The following GGA1 variants were observed in gnomAD, a reference collection of about 807,000 sequenced individuals.
The protein encoded by GGA1 is ADP-ribosylation factor-binding protein GGA1.
In GGA1, 18 loss-of-function variants were observed where a neutral mutation model predicts 76.9. The ratio of observed to expected loss-of-function variants is 0.23; its 90% confidence interval spans 0.16 to 0.35. GGA1 has a LOEUF of 0.35. GGA1 is among the 10% of genes least tolerant of loss of function. GGA1 has a pLI of 1.00. For synonymous variants in GGA1, 342 were observed against 354.7 expected (o/e 0.96, Z 0.40); for missense variants, 755 against 859.0 (o/e 0.88, Z 1.51).
At position 37,630,886 on chromosome 22, in the gene GGA1, A is replaced by G. The variant is rs1363114067; in HGVS notation, c.1332-17A>G. The G allele has an allele frequency of 1.9e-6, 3 of 1,590,036 alleles. No homozygotes were observed. The highest frequency in any genetic ancestry group is 2.6e-6 in the Non-Finnish European group (3 of 1,162,940). On this transcript the variant is annotated splice_polypyrimidine_tract_variant and intron_variant, in intron 13 of 16. Transcript: ENST00000343632. Reference sequence around the variant, plus strand: ...CTGGCCAAGAATCACTTCTTAATGCACTGTCCCCCGATTAAGGGAGAAGCA... The same window carrying G: ...CTGGCCAAGAATCACTTCTTAATGCGCTGTCCCCCGATTAAGGGAGAAGCA...
rs1478210520 is a variant in GGA1, at chr22:37,632,478, C to T, written c.1772C>T (p.Ala591Val). The change falls in exon 16 of 17, where the codon GCA becomes GTA. Residue 591 changes from alanine (A) to valine (V), a missense_variant. Coordinates refer to ENST00000343632, the MANE Select transcript of GGA1 (RefSeq NM_013365.5). This position sits in a 1 kb window ranked among gnomAD's most constrained non-coding sequence, Gnocchi z 5.1. ...TTTAACCCCATCGTCCACCCCTCAG[C>T]AATCACCCAGGTCCTGCTGCTTGCC... The part of the protein sequence containing the change: ...PAFNPIVHPS[A>V]ITQVLLLANP... 6.2e-6 allele frequency: 10 copies of T among 1,613,730 alleles called. No homozygotes were observed. Among genetic ancestry groups the T allele is most frequent in the Non-Finnish European group, 8.5e-6 (10 of 1,179,772 alleles).
chr22:37,630,133 C>T lies in GGA1; in HGVS notation c.1294C>T (p.Gln432Ter), dbSNP rs1931540494. The T allele has an allele frequency of 6.2e-7, 1 of 1,600,998 alleles. No homozygotes were observed. Among genetic ancestry groups the T allele is most frequent in the Non-Finnish European group, 8.5e-7 (1 of 1,174,692 alleles). The change falls in exon 13 of 17, where the codon CAG (glutamine) becomes TAG (stop). Residue 432 changes from glutamine to a stop codon, truncating the protein, a stop_gained. Transcript: ENST00000343632. LOFTEE classifies it high-confidence loss of function. ...DLDLLGKTLLQQSLPPESQQV... is the reference protein window; with the variant it reads ...DLDLLGKTLL ...AGACCTCCTGGGGAAGACCCTCCTG[C>T]AGCAGTCGCTGCCCCCGGAATCCCA...
intron 1 of GGA1, 30 bp from the exon 2 acceptor site, chr22:37,614,160 G>C (rs1209086428): frequency 2.0e-6 from 3 of 1,506,214 alleles, no homozygotes; most frequent in East Asian, 4.5e-5. Flanking sequence ...CCACTGCCGG[G>C]CCACAATGAC....
chr22:37,616,832 A>T, intron 2 of GGA1, 90 bp from the exon 3 acceptor site: 1 of 1,412,580 alleles, frequency 7.1e-7, no homozygotes, highest in Non-Finnish European at 9.3e-7. Flanking sequence ...CCCTTGGAGG[A>T]GGGCTGCAGT....
intron 12 of GGA1, among the ~76,000 whole-genome samples, 189 bp downstream of exon 12, chr22:37,629,715 CCCAAGTCTCAGCCTTGGGGCTG>C (rs1931449788): frequency 6.6e-6 from 1 of 152,150 alleles, no homozygotes; most frequent in African/African-American, 2.4e-5. Flanking sequence ...CTGTATCTTC[CCCAAGTCTCAGCCTTGGGGCTG>C]CAGCCCAGCC....
At chr22:37,618,743 G>C (rs562210699) in intron 4 of GGA1, among the ~76,000 whole-genome samples, 197 bp downstream of exon 4, 2 of 152,330 alleles carry the variant, frequency 1.3e-5, no homozygotes, top group Admixed American at 6.5e-5. Context: ...GACAGCCTGG[G>C]GTCTCGGAGG....
chr22:37,616,252 C>G (rs1452585026), intron 2 of GGA1, among the ~76,000 whole-genome samples: 2 of 152,164 alleles, frequency 1.3e-5, no homozygotes, highest in Non-Finnish European at 2.9e-5. Flanking sequence ...CCTGTCCCCT[C>G]TCTTAGCTGA....
intron 13 of GGA1, chr22:37,630,591 G>C: frequency 2.2e-6 from 1 of 458,004 alleles, no homozygotes; most frequent in Non-Finnish European, 3.8e-6. Flanking sequence ...TTTTGAGAGG[G>C]AGTCTCACCC....
chr22:37,630,831 G>C, intron 13 of GGA1, 72 bp from the exon 14 acceptor site: 2 of 1,088,302 alleles, frequency 1.8e-6, no homozygotes, highest in South Asian at 2.7e-5. Context: ...GCCTCCCAAA[G>C]TGTTGGAATT....
At position 37,624,943 on chromosome 22, in the gene GGA1, G is replaced by T; in HGVS notation, c.833-26G>T. 1 of 1,557,692 alleles carries T rather than the reference G, an allele frequency of 6.4e-7. No homozygotes were observed. Among genetic ancestry groups the T allele is most frequent in the South Asian group, 1.2e-5 (1 of 84,754 alleles). On this transcript the variant is annotated intron_variant, in intron 9 of 16. Transcript: ENST00000343632. The surrounding 1 kb of genome is among the most constrained non-coding windows in gnomAD (Gnocchi z 4.3). Reference sequence around the variant, plus strand: ...AGAGGCCCCCACAGTCCTTCAGCCTGGCCTCTCCCCTCCTGCCTGTTCCAG... The same window carrying T: ...AGAGGCCCCCACAGTCCTTCAGCCTTGCCTCTCCCCTCCTGCCTGTTCCAG...
At chr22:37,622,332 C>T (rs931869598) in intron 7 of GGA1, among the ~76,000 whole-genome samples, 3 of 151,894 alleles carry the variant, frequency 2.0e-5, no homozygotes, top group Non-Finnish European at 2.9e-5. Context: ...CTGCCTGCCT[C>T]GGCGTCCCAA....
Position 37,623,265 on chromosome 22 carries a change from C to T in GGA1, c.610-62C>T. On this transcript the variant is annotated intron_variant, in intron 7 of 16. Coordinates refer to ENST00000343632, the MANE Select transcript of GGA1 (RefSeq NM_013365.5). The surrounding 1 kb of genome is among the most constrained non-coding windows in gnomAD (Gnocchi z 4.6). ...TCCCAGCACACATTCTCTCAAGTGG[C>T]AGGGGGCAGTGCCTCGTCCAGGCCA... 1.3e-6 allele frequency: 2 copies of T among 1,488,658 alleles called. No homozygotes were observed. The highest frequency in any genetic ancestry group is 9.4e-7 in the Non-Finnish European group (1 of 1,066,932). The allele number at this position is 1,488,658 out of a possible 1,614,324, so 92.2% of individuals were successfully genotyped here. A position where few individuals can be genotyped will look rare whatever the true frequency, so the allele number is the denominator to read the frequency against.
Position 37,623,692 on chromosome 22 carries a change from C to A in GGA1, c.832+59C>A. ...CCCCTCTCCCTCCACCTCCTGCCCC[C>A]ACCTCCCCCAGGCCCTGCTAAGTAT... is the stretch of plus-strand genomic sequence containing the variant. On this transcript the variant is annotated intron_variant, in intron 9 of 16. Coordinates refer to ENST00000343632, the MANE Select transcript of GGA1 (RefSeq NM_013365.5). The surrounding 1 kb of genome is among the most constrained non-coding windows in gnomAD (Gnocchi z 4.6). 8.4e-7 allele frequency: 1 copy of A among 1,185,834 alleles called. No homozygotes were observed. Among genetic ancestry groups the A allele is most frequent in the Non-Finnish European group, 1.2e-6 (1 of 817,770 alleles). The allele number at this position is 1,185,834 out of a possible 1,614,324, so 73.5% of individuals were successfully genotyped here.
rs572918233 is a variant in GGA1 at position 37,621,838 on chromosome 22, G to T, written c.609+142G>T. On this transcript the variant is annotated intron_variant, in intron 7 of 16. Coordinates refer to ENST00000343632, the MANE Select transcript of GGA1 (RefSeq NM_013365.5). Reference sequence around the variant, plus strand: ...CACAGCAGAGAAGCTGATGCTGGGGGACCAGGGTGTGCAGGGAAGAATTCC... The same window carrying T: ...CACAGCAGAGAAGCTGATGCTGGGGTACCAGGGTGTGCAGGGAAGAATTCC... 11 of 557,874 alleles carry T rather than the reference G, an allele frequency of 2.0e-5. No homozygotes were observed. In the Admixed American group the frequency reaches 3.8e-4, roughly 19 times the overall value. The allele number at this position is 557,874 out of a possible 1,614,324, so 34.6% of individuals were successfully genotyped here.
rs1195572812 is a variant in GGA1 at position 37,620,321 on chromosome 22, G to C, written c.387G>C (p.Glu129Asp). The C allele has an allele frequency of 1.2e-6, 2 of 1,614,038 alleles. No individual in the cohort carries two copies. Among genetic ancestry groups the C allele is most frequent in the Non-Finnish European group, 1.7e-6 (2 of 1,179,974 alleles). ...LYSWTVGLPE[E>D]VKIAEAYQML... is the part of the protein sequence containing the mutation. ...GCTGGACAGTGGGCCTGCCCGAGGAGGTGAAAATCGCAGAGGCCTACCAGA... is the reference window on the plus strand; with the variant it reads ...GCTGGACAGTGGGCCTGCCCGAGGACGTGAAAATCGCAGAGGCCTACCAGA... Residue 129 changes from glutamate to aspartate, a missense_variant, in exon 5 of 17, where the codon GAG becomes GAC. Glu to Asp is a conservative substitution (Grantham distance 45). Transcript: ENST00000343632.
chr22:37,613,980 G>T, intron 1 of GGA1: 1 of 544,798 alleles, frequency 1.8e-6, no homozygotes, highest in Non-Finnish European at 3.3e-6. Context: ...CTCTAAAAGT[G>T]GGGCCCTTTG....
intron 1 of GGA1, 137 bp downstream of exon 1, chr22:37,609,040 A>G (rs1926935047): frequency 1.4e-6 from 2 of 1,445,254 alleles, no homozygotes; most frequent in East Asian, 3.1e-5. Context: ...CGGTGTCCTC[A>G]GTCGGCCCCT....
intron 2 of GGA1, among the ~76,000 whole-genome samples, chr22:37,616,655 T>C (rs1370839830): frequency 1.3e-5 from 2 of 152,170 alleles, no homozygotes; most frequent in Non-Finnish European, 2.9e-5. Context: ...TCATACCTTT[T>C]GAAGGTCCCT....
intron 1 of GGA1, among the ~76,000 whole-genome samples, chr22:37,611,563 ATCT>A (rs1395312066): frequency 6.6e-6 from 1 of 152,188 alleles, no homozygotes; most frequent in Non-Finnish European, 1.5e-5. Context: ...GAATACTTAA[ATCT>A]GAGTTGGATG....
Sources: allele counts gnomAD v4.1 joint callset (sites outside exome capture counted in the v4.1 genomes callset), GRCh38; gene constraint gnomAD v4.1.1; non-coding constraint Gnocchi (gnomAD v3.1); transcripts MANE v1.5; gene names NCBI Gene and HGNC (gene_info 2026-07-23, HGNC 2026-07-21).